SPAG16: variants seen among roughly 807,000 people sequenced by gnomAD.
SPAG16 encodes the protein sperm associated antigen 16.
A neutral mutation model predicts 80.4 loss-of-function variants in SPAG16; 86 were observed. That is an observed-to-expected ratio of 1.07 (90% CI 0.90 to 1.28). The LOEUF is 1.28. Among genes scored for constraint, SPAG16 ranks in the 50% most tolerant of loss-of-function variants. SPAG16 has a pLI of 0.00. For synonymous variants in SPAG16, 294 were observed against 265.9 expected (o/e 1.11, Z -1.03); for missense variants, 870 against 765.3 (o/e 1.14, Z -1.61).
At chr2:213,464,745 C>T (rs1333931846) in intron 9 of SPAG16, among the ~76,000 whole-genome samples, 1 of 152,174 alleles carries the variant, frequency 6.6e-6, no homozygotes, top group East Asian at 1.9e-4. Context: ...CCTGTTTGAC[C>T]ATTTTTACCT....
chr2:214,353,649 G>A (rs551770421), intron 15 of SPAG16, among the ~76,000 whole-genome samples: 3 of 152,248 alleles, frequency 2.0e-5, no homozygotes, highest in South Asian at 2.1e-4. Context: ...TCACCCAGGA[G>A]TGAAAGATGC....
intron 11 of SPAG16, among the ~76,000 whole-genome samples, chr2:213,921,154 G>T (rs2078205377): frequency 6.6e-6 from 1 of 152,160 alleles, no homozygotes; most frequent in African/African-American, 2.4e-5. Flanking sequence ...TCAGGAGTGT[G>T]CCAATTTTCT....
At chr2:213,359,976 A>G (rs1313220361) in intron 7 of SPAG16, among the ~76,000 whole-genome samples, 1 of 152,178 alleles carries the variant, frequency 6.6e-6, no homozygotes, top group Non-Finnish European at 1.5e-5. Context: ...TCCCACTCTT[A>G]AGATAACATT....
chr2:213,399,531 G>T (rs776767280), intron 9 of SPAG16, among the ~76,000 whole-genome samples: 2 of 151,870 alleles, frequency 1.3e-5, no homozygotes, highest in Non-Finnish European at 2.9e-5. Context: ...TATTCATCAT[G>T]TGTTATTTGA....
chr2:213,435,920 C>T (rs1292148131), intron 9 of SPAG16, among the ~76,000 whole-genome samples: 3 of 152,094 alleles, frequency 2.0e-5, no homozygotes, highest in African/African-American at 7.2e-5. Context: ...TTAACTTAAG[C>T]CTGGTCTTTG....
intron 10 of SPAG16, among the ~76,000 whole-genome samples, chr2:213,686,104 T>G (rs1048284207): frequency 1.3e-5 from 2 of 152,176 alleles, no homozygotes; most frequent in Non-Finnish European, 2.9e-5. Context: ...TTTTCCTAGT[T>G]CCTCTATGTG....
At chr2:213,620,457 T>C (rs1317981580) in intron 10 of SPAG16, among the ~76,000 whole-genome samples, 1 of 151,858 alleles carries the variant, frequency 6.6e-6, no homozygotes, top group Admixed American at 6.6e-5. Flanking sequence ...CACGCCCGGC[T>C]AATTTTTTGT....
intron 9 of SPAG16, among the ~76,000 whole-genome samples, chr2:213,432,377 A>C (rs2070358894): frequency 6.6e-6 from 1 of 152,138 alleles, no homozygotes; most frequent in Admixed American, 6.5e-5. Flanking sequence ...AGAAGATCCA[A>C]ATAAATGTAA....
intron 13 of SPAG16, among the ~76,000 whole-genome samples, chr2:214,104,390 C>T (rs1300337522): frequency 3.9e-5 from 6 of 152,030 alleles, no homozygotes; most frequent in Middle Eastern, 3.4e-3. Context: ...GTTGGTTGCT[C>T]TAGTGGCGGT....
At chr2:213,884,609 CTCCTT>C (rs2076482998) in intron 11 of SPAG16, among the ~76,000 whole-genome samples, 1 of 152,138 alleles carries the variant, frequency 6.6e-6, no homozygotes, top group Non-Finnish European at 1.5e-5. Flanking sequence ...TTTATTCTCT[CTCCTT>C]CTCTCTCAGG....
intron 10 of SPAG16, among the ~76,000 whole-genome samples, chr2:213,561,074 G>T (rs559410587): frequency 6.6e-6 from 1 of 152,298 alleles, no homozygotes; most frequent in South Asian, 2.1e-4. Flanking sequence ...ATGTTGGCAA[G>T]GCTGGTCTCG....
chr2:213,982,190 A>G (rs1356046577), intron 12 of SPAG16, among the ~76,000 whole-genome samples: 2 of 149,450 alleles, frequency 1.3e-5, no homozygotes, highest in Non-Finnish European at 2.9e-5. Context: ...CTATATTCTA[A>G]AGTTAGTAAA....
intron 10 of SPAG16, among the ~76,000 whole-genome samples, chr2:213,618,677 A>C (rs1339797610): frequency 6.6e-6 from 1 of 151,312 alleles, no homozygotes; most frequent in Non-Finnish European, 1.5e-5. Flanking sequence ...TGAATATGCT[A>C]TATGCTCTTT....
At chr2:214,173,310 A>G (rs1576414103) in intron 15 of SPAG16, among the ~76,000 whole-genome samples, 1 of 152,046 alleles carries the variant, frequency 6.6e-6, no homozygotes, top group Non-Finnish European at 1.5e-5. Flanking sequence ...TCAGCTTTCT[A>G]CATATGGCTA....
intron 10 of SPAG16, among the ~76,000 whole-genome samples, chr2:213,651,192 G>A (rs2063005019): frequency 6.6e-6 from 1 of 152,134 alleles, no homozygotes; most frequent in South Asian, 2.1e-4. Context: ...AAGGATTTGA[G>A]TATATACAAT....
At chr2:214,275,210 G>T (rs1475336974) in intron 15 of SPAG16, among the ~76,000 whole-genome samples, 1 of 152,032 alleles carries the variant, frequency 6.6e-6, no homozygotes, top group Non-Finnish European at 1.5e-5. Flanking sequence ...AGTCTTGCTA[G>T]CAGTCTATCA....
rs1235228926 is a variant in SPAG16, at chr2:213,607,971, A to G, written c.1070+117881A>G. Among the ~76,000 whole-genome samples the G allele has an allele frequency of 3.3e-5, 5 of 152,320 alleles. No individual in the cohort carries two copies. The East Asian group carries it at 9.7e-4, about 29-fold the overall frequency. ...ATCCATTTACAATACTTTAGAAAGT[A>G]CTAAATTTAACTGTGATCCTTTATA... On this transcript the variant is annotated intron_variant, in intron 10 of 15. Coordinates refer to ENST00000331683, the MANE Select transcript of SPAG16 (RefSeq NM_024532.5).
intron 15 of SPAG16, among the ~76,000 whole-genome samples, chr2:214,359,143 TGTC>T (rs1699010723): frequency 6.6e-6 from 1 of 151,868 alleles, no homozygotes; most frequent in Admixed American, 6.6e-5. Flanking sequence ...TAATATCTAT[TGTC>T]AGGCACTGCT....
intron 15 of SPAG16, among the ~76,000 whole-genome samples, chr2:214,323,186 T>G (rs1696225271): frequency 6.6e-6 from 1 of 152,186 alleles, no homozygotes. Context: ...ATAAAAAGCC[T>G]GTTCTTTCTT....
Sources: gnomAD v4.1 joint callset for allele counts (sites outside exome capture counted in the v4.1 genomes callset) on GRCh38, gnomAD v4.1.1 for gene constraint, MANE v1.5 for transcripts, NCBI Gene and HGNC (gene_info 2026-07-23, HGNC 2026-07-21) for gene names.